The following GBF1 variants were observed in gnomAD, a reference collection of about 807,000 sequenced individuals.
GBF1 encodes the protein golgi brefeldin A resistant guanine nucleotide exchange factor 1.
GBF1 carries 114 observed loss-of-function variants against 210.5 expected under a neutral mutation model. That is an observed-to-expected ratio of 0.54 (90% CI 0.47 to 0.63). GBF1 has a LOEUF of 0.63. Ranked by LOEUF, GBF1 falls within the 30% of genes least tolerant of loss-of-function variation. GBF1 has a pLI of 0.00. For missense variants in GBF1, 1,851 were observed against 2,357.7 expected (o/e 0.79, Z 4.45); for synonymous variants, 850 against 889.2 (o/e 0.96, Z 0.78).
At chr10:102,274,856 C>T (rs1477655005) in intron 3 of GBF1, among the ~76,000 whole-genome samples, 1 of 151,550 alleles carries the variant, frequency 6.6e-6, no homozygotes, top group African/African-American at 2.4e-5. Flanking sequence ...GGATTACAGG[C>T]ACCCACCACC....
chr10:102,252,279 G>A (rs1359709359), intron 1 of GBF1, among the ~76,000 whole-genome samples: 2 of 151,604 alleles, frequency 1.3e-5, no homozygotes, highest in African/African-American at 4.9e-5. Flanking sequence ...CAGAGGTTAC[G>A]GTGAGCCGAG....
rs1212343319 is a variant in GBF1 at position 102,331,279 on chromosome 10, G to T, written c.164-12772G>T. Among the ~76,000 whole-genome samples, 3 of 152,084 alleles carry T rather than the reference G, an allele frequency of 2.0e-5. 1 individual carries two copies. The highest frequency in any genetic ancestry group is 4.4e-5 in the Non-Finnish European group (3 of 68,004). On this transcript the variant is annotated intron_variant, in intron 3 of 39. Transcript: ENST00000369983. ...TTTGCACCAGGTATCTAGGGAGGAGGAGTTCTTACATAATCTCTGGGTTAG... is the reference window on the plus strand; with the variant it reads ...TTTGCACCAGGTATCTAGGGAGGAGTAGTTCTTACATAATCTCTGGGTTAG...
At chr10:102,239,453 A>C in the GBF1 span, among the ~76,000 whole-genome samples, 1 of 152,234 alleles carries the variant, frequency 6.6e-6, no homozygotes. Flanking sequence ...CAATGGGAGC[A>C]CAAGCCCCTG....
chr10:102,288,093 T>G (rs969998860), intron 3 of GBF1, among the ~76,000 whole-genome samples: 2 of 152,194 alleles, frequency 1.3e-5, no homozygotes, highest in Admixed American at 1.3e-4. Context: ...GTAAAAACTT[T>G]CCGTTTTTCT....
At chr10:102,305,337 G>T (rs2077757573) in intron 3 of GBF1, among the ~76,000 whole-genome samples, 1 of 152,124 alleles carries the variant, frequency 6.6e-6, no homozygotes, top group African/African-American at 2.4e-5. Context: ...TCCTGGCCAG[G>T]TGCAGTGGCT....
intron 3 of GBF1, among the ~76,000 whole-genome samples, chr10:102,305,175 T>TTGTGTGTGTGTGTG (rs60026956): frequency 1.3e-4 from 18 of 139,660 alleles, no homozygotes; most frequent in African/African-American, 4.6e-4. Flanking sequence ...ATATGCAGAT[T>TTGTGTGTGTGTGTG]TGTGTGTGTG....
At chr10:102,381,086 A>G in intron 38 of GBF1, 41 bp from the exon 39 acceptor site, 5 of 1,592,904 alleles carry the variant, frequency 3.1e-6, no homozygotes, top group Non-Finnish European at 4.3e-6. Flanking sequence ...TGGAGAGAGA[A>G]AGCACTAAGA....
chr10:102,234,084 C>A, the GBF1 span, among the ~76,000 whole-genome samples: 1 of 152,220 alleles, frequency 6.6e-6, no homozygotes, highest in Non-Finnish European at 1.5e-5. Context: ...TTAACAGGGG[C>A]TTAATGCAGG....
At chr10:102,335,273 T>C (rs1006005888) in intron 3 of GBF1, among the ~76,000 whole-genome samples, 1 of 152,188 alleles carries the variant, frequency 6.6e-6, no homozygotes, top group African/African-American at 2.4e-5. Context: ...CATGGACCAG[T>C]CACCTTCAGA....
intron 3 of GBF1, among the ~76,000 whole-genome samples, chr10:102,261,902 G>A (rs1590538830): frequency 1.3e-5 from 2 of 151,912 alleles, no homozygotes; most frequent in East Asian, 1.9e-4. Context: ...GATTACAGAC[G>A]TGAGCCACCG....
chr10:102,292,370 C>T (rs1257751046), intron 3 of GBF1, among the ~76,000 whole-genome samples: 1 of 151,606 alleles, frequency 6.6e-6, no homozygotes, highest in Admixed American at 6.6e-5. Flanking sequence ...TATGTATGTA[C>T]TTGTTAATTA....
chr10:102,237,455 G>A, the GBF1 span, among the ~76,000 whole-genome samples: 1 of 152,064 alleles, frequency 6.6e-6, no homozygotes, highest in Admixed American at 6.5e-5. Context: ...AGAGAGAAAC[G>A]AGTCAAACCG....
At chr10:102,257,253 C>T (rs1266877936) in intron 1 of GBF1, among the ~76,000 whole-genome samples, 1 of 152,186 alleles carries the variant, frequency 6.6e-6, no homozygotes, top group African/African-American at 2.4e-5. Context: ...GTCACTGTCA[C>T]TGTCCAGTTT....
Position 102,369,900 on chromosome 10 carries a change from A to G in GBF1, c.3255A>G (p.Thr1085=), listed in dbSNP as rs746782527. The part of the protein sequence containing the change: ...STVLSFVSWL[T]LSGPEQSSVR... ...TGCTGAGCTTTGTGAGCTGGCTAAC[A>G]CTGAGTGGTCCTGAGCAGTCTAGTG... The change falls in exon 26 of 40, where the codon ACA becomes ACG. Residue 1085 remains threonine (T), a synonymous_variant. Coordinates refer to ENST00000369983, the MANE Select transcript of GBF1 (RefSeq NM_001377137.1). 2.5e-6 allele frequency: 4 copies of G among 1,614,130 alleles called. No homozygotes were observed. The highest frequency in any genetic ancestry group is 2.2e-5 in the East Asian group (1 of 44,890).
In GBF1 at chr10:102,365,522, C is replaced by G; in HGVS notation, c.2232C>G (p.Asn744Lys). ...AGGTTGCTCAGTGGCTCCGAGAGAA[C>G]CCTCGGCTGGACAAGAAGATGATTG... ...NTEVAQWLRE[N>K]PRLDKKMIGE... Residue 744 changes from asparagine to lysine, a missense_variant, in exon 18 of 40, where the codon AAC becomes AAG. Coordinates refer to ENST00000369983, the MANE Select transcript of GBF1 (RefSeq NM_001377137.1). 1 of 1,614,176 alleles carries G rather than the reference C, an allele frequency of 6.2e-7. No homozygotes were observed. The highest frequency in any genetic ancestry group is 8.5e-7 in the Non-Finnish European group (1 of 1,180,010).
At chr10:102,288,440 G>A (rs1174840779) in intron 3 of GBF1, among the ~76,000 whole-genome samples, 4 of 152,136 alleles carry the variant, frequency 2.6e-5, no homozygotes, top group Admixed American at 1.3e-4. Context: ...GGCCGGGCGC[G>A]GTGGCTCACG....
intron 3 of GBF1, among the ~76,000 whole-genome samples, chr10:102,267,082 C>A (rs563404688): frequency 3.3e-5 from 5 of 152,106 alleles, no homozygotes; most frequent in Non-Finnish European, 5.9e-5. Flanking sequence ...TAGCAGTAGC[C>A]GCTTAGGTAG....
intron 3 of GBF1, among the ~76,000 whole-genome samples, chr10:102,311,818 A>G (rs1018638884): frequency 1.3e-5 from 2 of 152,148 alleles, no homozygotes; most frequent in East Asian, 1.9e-4. Flanking sequence ...TTGGTTCCCT[A>G]CCATTTCAGG....
intron 3 of GBF1, among the ~76,000 whole-genome samples, chr10:102,278,660 G>A (rs75118695): frequency 0.01 from 1,566 of 152,040 alleles, 23 homozygotes; most frequent in African/African-American, 0.036. Context: ...ATAGCTATTT[G>A]GAAATATACA....
Sources: gnomAD v4.1 joint callset for allele counts (sites outside exome capture counted in the v4.1 genomes callset) on GRCh38, gnomAD v4.1.1 for gene constraint, MANE v1.5 for transcripts, NCBI Gene and HGNC (gene_info 2026-07-23, HGNC 2026-07-21) for gene names.